Variants in GREB1L observed in about 807,000 individuals in gnomAD.
The protein encoded by GREB1L is GREB1-like protein.
A neutral mutation model predicts 200.8 loss-of-function variants in GREB1L; 17 were observed. That is an observed-to-expected ratio of 0.08 (90% confidence interval 0.06 to 0.13). The LOEUF (loss-of-function observed/expected upper bound fraction) is 0.13. Among genes scored for constraint, GREB1L ranks in the 10% least tolerant of loss-of-function variants. GREB1L has a pLI of 1.00. For missense variants in GREB1L, 1,657 were observed against 2,367.7 expected, an observed-to-expected ratio of 0.70 and a Z score of 6.23; for synonymous variants, 789 against 893.0, an observed-to-expected ratio of 0.88 and a Z score of 2.08.
chr18:21,308,225 C>T (rs2038732813), intron 1 of GREB1L, among the ~76,000 whole-genome samples: 1 of 152,204 alleles, frequency 6.6e-6, no homozygotes, highest in Admixed American at 6.5e-5. Flanking sequence ...GTGAGATAGA[C>T]AGCTTCTCCT....
chr18:21,288,936 C>T (rs1186258409), intron 1 of GREB1L, among the ~76,000 whole-genome samples: 1 of 152,030 alleles, frequency 6.6e-6, no homozygotes, highest in Non-Finnish European at 1.5e-5. Context: ...CAGGGTTTCA[C>T]CATGTTGGCC....
intron 1 of GREB1L, among the ~76,000 whole-genome samples, chr18:21,260,180 T>C (rs2037867546): frequency 6.6e-6 from 1 of 151,980 alleles, no homozygotes; most frequent in Non-Finnish European, 1.5e-5. Flanking sequence ...TTTTTAGAAA[T>C]TTGGATTTTC....
At chr18:21,451,941 T>A in intron 13 of GREB1L, 142 bp from the exon 14 acceptor site, 2 of 677,360 alleles carry the variant, frequency 3.0e-6, no homozygotes, top group Non-Finnish European at 5.0e-6. Context: ...ACTATAAAGA[T>A]GGCCAAGTGT....
Position 21,473,161 on chromosome 18 carries a change from G to A in GREB1L, c.2313G>A (p.Pro771=), listed in dbSNP as rs1237213913. The part of the protein sequence containing the change: ...EVFMRRVKQN[P]YTLFVLVHDN... ...TTATGAGGAGAGTGAAACAGAACCC[G>A]TACACACTGTTTGTGCTAGTTCATG... The change falls in exon 16 of 33, where the codon CCG becomes CCA. Residue 771 remains proline (P), a synonymous_variant. Coordinates refer to ENST00000424526, the MANE Select transcript of GREB1L (RefSeq NM_001142966.3). 32 of 1,548,622 alleles carry A rather than the reference G, an allele frequency of 2.1e-5. No homozygotes were observed. The highest frequency in any genetic ancestry group is 6.9e-5 in the African/African-American group (5 of 72,926).
chr18:21,474,314 G>GATAAATAC (rs2035599947), intron 16 of GREB1L, among the ~76,000 whole-genome samples: 1 of 152,176 alleles, frequency 6.6e-6, no homozygotes, highest in Non-Finnish European at 1.5e-5. Context: ...ACAGGCATTG[G>GATAAATAC]ATAAATACAG....
At chr18:21,288,210 G>C (rs1352380023) in intron 1 of GREB1L, among the ~76,000 whole-genome samples, 1 of 151,822 alleles carries the variant, frequency 6.6e-6, no homozygotes, top group African/African-American at 2.4e-5. Context: ...GGTTGTGTTA[G>C]CTAAAAATAG....
chr18:21,395,432 G>A lies in GREB1L; in HGVS notation c.403G>A (p.Glu135Lys). The A allele has an allele frequency of 6.4e-7, 1 of 1,551,130 alleles. No homozygotes were observed. The highest frequency in any genetic ancestry group is 8.7e-7 in the Non-Finnish European group (1 of 1,146,814). Residue 135 changes from glutamate to lysine, a missense_variant, in exon 5 of 33, where the codon GAA becomes AAA. Glu to Lys is a moderately conservative substitution (Grantham distance 56). Transcript: ENST00000424526. ...KDLRLVSLCMEQIDIPAGFLL... is the reference protein window; with the variant it reads ...KDLRLVSLCMKQIDIPAGFLL... ...TTTGCGTTTGGTATCACTGTGTATG[G>A]AACAAATTGACATCCCAGCAGGATT...
rs76880521 is a variant in GREB1L, at chr18:21,291,935, A to G, written c.-120+49542A>G. Among the ~76,000 whole-genome samples, 255 of 152,362 alleles carry G rather than the reference A, an allele frequency of 1.7e-3. 2 individuals carry two copies. The highest frequency in any genetic ancestry group is 5.9e-3 in the African/African-American group (246 of 41,586). On this transcript the variant is annotated intron_variant, in intron 1 of 32. Coordinates refer to ENST00000424526, the MANE Select transcript of GREB1L (RefSeq NM_001142966.3). ...AGTTTACTCTGAATATTTGTGTAAC[A>G]TGAACTGTAGAGGATACAGGATGGG...
At chr18:21,243,387 C>A (rs1338971694) in intron 1 of GREB1L, among the ~76,000 whole-genome samples, 1 of 152,172 alleles carries the variant, frequency 6.6e-6, no homozygotes. Context: ...GTGAACGTGA[C>A]GGTTCCAAGG....
intron 1 of GREB1L, among the ~76,000 whole-genome samples, chr18:21,268,560 C>CACATATATATAT (rs1204514384): frequency 5.0e-4 from 32 of 63,532 alleles, no homozygotes; most frequent in African/African-American, 1.3e-3. Flanking sequence ...CACACACACA[C>CACATATATATAT]ATATATATAT....
intron 1 of GREB1L, among the ~76,000 whole-genome samples, chr18:21,271,342 TGTTA>T (rs2038074886): frequency 1.3e-5 from 2 of 152,166 alleles, no homozygotes; most frequent in Non-Finnish European, 1.5e-5. Context: ...TGTATTGTCA[TGTTA>T]GTTCAGAATT....
chr18:21,297,152 T>A (rs1285488842), intron 1 of GREB1L, among the ~76,000 whole-genome samples: 1 of 152,040 alleles, frequency 6.6e-6, no homozygotes, highest in Non-Finnish European at 1.5e-5. Context: ...GAAACAGAAT[T>A]TGCATTTTCA....
At chr18:21,383,807 G>A (rs1406779712) in intron 3 of GREB1L, 132 bp downstream of exon 3, 1 of 865,636 alleles carries the variant, frequency 1.2e-6, no homozygotes, top group South Asian at 1.6e-5. Context: ...CTGCCTCCTG[G>A]GTTCAAGCAA....
At chr18:21,365,098 TA>T (rs2143624445) in intron 1 of GREB1L, among the ~76,000 whole-genome samples, 1 of 152,284 alleles carries the variant, frequency 6.6e-6, no homozygotes, top group South Asian at 2.1e-4. Flanking sequence ...TAAATATTTT[TA>T]TTCGAAAAAT....
At chr18:21,507,734 A>C (rs184477367) in intron 25 of GREB1L, among the ~76,000 whole-genome samples, 1 of 152,226 alleles carries the variant, frequency 6.6e-6, no homozygotes, top group African/African-American at 2.4e-5. Flanking sequence ...TCTGACCCGC[A>C]TAGAGCAGAA....
chr18:21,458,415 C>A (rs1198259105), intron 15 of GREB1L, among the ~76,000 whole-genome samples: 1 of 152,176 alleles, frequency 6.6e-6, no homozygotes, highest in Admixed American at 6.5e-5. Flanking sequence ...TGTCCAAGGT[C>A]TCTGTGTCCT....
In GREB1L at chr18:21,444,306, A is replaced by T. The variant is rs891976166; in HGVS notation, c.1290A>T (p.Pro430=). The part of the protein sequence containing the change: ...SPLLVNCYKI[P]QLENKDLEKL... ...TGCTGGTGAATTGCTACAAGATTCC[A>T]CAGTTGGAAAACAAAGATTTGGAAA... The change falls in exon 11 of 33, where the codon CCA becomes CCT. Residue 430 remains proline (P), a synonymous_variant. Coordinates refer to ENST00000424526, the MANE Select transcript of GREB1L (RefSeq NM_001142966.3). 6.4e-7 allele frequency: 1 copy of T among 1,551,658 alleles called. No individual in the cohort carries two copies. Among genetic ancestry groups the T allele is most frequent in the African/African-American group, 1.4e-5 (1 of 73,040 alleles).
chr18:21,361,466 G>T lies in GREB1L; in HGVS notation c.-119-4561G>T, dbSNP rs569986924. On this transcript the variant is annotated intron_variant, in intron 1 of 32. Coordinates refer to ENST00000424526, the MANE Select transcript of GREB1L (RefSeq NM_001142966.3). ...CTGCACAAATTAAGGTGGAGACTTG[G>T]GGGAGGGATCCAGTCAGGGAAGGGA... Among the ~76,000 whole-genome samples the T allele has an allele frequency of 4.7e-4, 71 of 152,110 alleles. 4 individuals carry two copies. The highest frequency in any genetic ancestry group is 2.4e-4 in the African/African-American group (10 of 41,420).
chr18:21,275,038 G>A (rs1369172971), intron 1 of GREB1L, among the ~76,000 whole-genome samples: 6 of 152,046 alleles, frequency 3.9e-5, no homozygotes, highest in Admixed American at 3.9e-4. Context: ...TCAGGAGATC[G>A]AGACCATCCT....
Sources: gnomAD v4.1 joint callset for allele counts (sites outside exome capture counted in the v4.1 genomes callset) on GRCh38, gnomAD v4.1.1 for gene constraint, MANE v1.5 for transcripts, NCBI Gene and HGNC (gene_info 2026-07-23, HGNC 2026-07-21) for gene names.